The following RABGAP1L variants were observed in gnomAD, a reference collection of about 807,000 sequenced individuals.
RABGAP1L encodes RAB GTPase activating protein 1 like, also known as rab GTPase-activating protein 1-like.
Under a neutral mutation model 137.7 loss-of-function variants are expected in RABGAP1L, and 63 were observed. That is an observed-to-expected ratio of 0.46 (90% CI 0.37 to 0.56). The LOEUF (loss-of-function observed/expected upper bound fraction) is 0.56. RABGAP1L is among the 20% of genes least tolerant of loss of function. The pLI is 0.00. For missense variants in RABGAP1L, 1,095 were observed against 1,244.0 expected (o/e 0.88, Z 1.80); for synonymous variants, 431 against 433.7 (o/e 0.99, Z 0.08).
chr1:174,772,834 C>T (rs1205715163), intron 18 of RABGAP1L, among the ~76,000 whole-genome samples: 1 of 152,050 alleles, frequency 6.6e-6, no homozygotes, highest in Non-Finnish European at 1.5e-5. Flanking sequence ...GGAATTATAT[C>T]GTATTTGTCT....
At chr1:174,665,617 A>G (rs1309655166) in intron 14 of RABGAP1L, among the ~76,000 whole-genome samples, 1 of 152,118 alleles carries the variant, frequency 6.6e-6, no homozygotes, top group Admixed American at 6.5e-5. Flanking sequence ...CACTGTGCCC[A>G]GCTAATTTTG....
chr1:174,383,215 A>G (rs1357973554), intron 12 of RABGAP1L, among the ~76,000 whole-genome samples: 2 of 151,136 alleles, frequency 1.3e-5, no homozygotes, highest in Non-Finnish European at 2.9e-5. Context: ...GGGACATTTA[A>G]GTCTGCAGAG....
At chr1:174,656,017 T>A (rs147595028) in intron 14 of RABGAP1L, among the ~76,000 whole-genome samples, 3,207 of 152,316 alleles carry the variant, frequency 0.021, 53 homozygotes, top group Middle Eastern at 0.085. Flanking sequence ...GTTATAGAGT[T>A]GTCATTGCTT....
chr1:174,204,762 G>T (rs1321570127), intron 1 of RABGAP1L, among the ~76,000 whole-genome samples: 1 of 152,156 alleles, frequency 6.6e-6, no homozygotes, highest in Non-Finnish European at 1.5e-5. Flanking sequence ...TGTTCTCATG[G>T]TAGTGAGTGA....
At chr1:174,467,471 C>T (rs1657431481) in intron 13 of RABGAP1L, among the ~76,000 whole-genome samples, 1 of 151,554 alleles carries the variant, frequency 6.6e-6, no homozygotes. Context: ...TTCACTTAGC[C>T]ATGATTCTCA....
intron 1 of RABGAP1L, among the ~76,000 whole-genome samples, chr1:174,177,302 T>C (rs1665966025): frequency 6.6e-6 from 1 of 152,222 alleles, no homozygotes; most frequent in African/African-American, 2.4e-5. Context: ...TCTGTTCATA[T>C]CCTTCGCCTA....
At chr1:174,712,447 G>A (rs1228355149) in intron 17 of RABGAP1L, among the ~76,000 whole-genome samples, 3 of 152,096 alleles carry the variant, frequency 2.0e-5, no homozygotes, top group African/African-American at 4.8e-5. Context: ...CACTCACCGC[G>A]AAGGTCTGCA....
chr1:174,981,931 A>G (rs10489332), intron 23 of RABGAP1L, among the ~76,000 whole-genome samples: 16,614 of 152,098 alleles, frequency 0.11, 1,084 homozygotes, highest in East Asian at 0.33. Flanking sequence ...AGCACTTTTC[A>G]ATCATGAGGA....
Position 174,683,553 on chromosome 1 carries a change from A to G in RABGAP1L, c.1856A>G (p.Tyr619Cys), listed in dbSNP as rs1379578407. 2 of 1,608,300 alleles carry G rather than the reference A, an allele frequency of 1.2e-6. No individual in the cohort carries two copies. The highest frequency in any genetic ancestry group is 8.5e-7 in the Non-Finnish European group (1 of 1,174,938). ...AYSVYDEDIG[Y>C]CQGQSFLAAV... The stretch of plus-strand genomic sequence containing the variant: ...TCTGTGTATGATGAAGACATTGGGT[A>G]CTGTCAAGGGCAGTCTTTTCTTGCT... The change falls in exon 15 of 26, where the codon TAC becomes TGC. Residue 619 changes from tyrosine (Y) to cysteine (C), a missense_variant. Tyr to Cys is a radical substitution (Grantham distance 194). Transcript: ENST00000681986.
intron 19 of RABGAP1L, among the ~76,000 whole-genome samples, chr1:174,946,951 T>G (rs1358103368): frequency 1.8e-5 from 2 of 109,176 alleles, no homozygotes; most frequent in Non-Finnish European, 3.8e-5. Flanking sequence ...TGTGTGTGTG[T>G]GTGTGTGTGT....
chr1:174,230,157 A>G (rs918443914), intron 3 of RABGAP1L, among the ~76,000 whole-genome samples: 4 of 151,874 alleles, frequency 2.6e-5, no homozygotes, highest in Non-Finnish European at 4.4e-5. Flanking sequence ...ACAAAAAACC[A>G]AACACCGCAT....
intron 13 of RABGAP1L, among the ~76,000 whole-genome samples, chr1:174,619,146 G>A (rs188161046): frequency 3.3e-5 from 5 of 152,300 alleles, no homozygotes; most frequent in African/African-American, 1.2e-4. Context: ...TATGTGAAAC[G>A]ACCAAATCTA....
intron 11 of RABGAP1L, among the ~76,000 whole-genome samples, chr1:174,350,131 G>T (rs375497497): frequency 0.16 from 17,396 of 108,454 alleles, 709 homozygotes; most frequent in Admixed American, 0.19. Flanking sequence ...CTGGCCGGGT[G>T]GGGGGGCTGA....
chr1:174,363,992 T>C (rs1009553358), intron 11 of RABGAP1L, among the ~76,000 whole-genome samples: 2 of 151,838 alleles, frequency 1.3e-5, no homozygotes, highest in African/African-American at 2.4e-5. Flanking sequence ...ATCACTGATA[T>C]TGGCCTACAG....
At chr1:174,822,470 C>T (rs1429779168) in intron 19 of RABGAP1L, among the ~76,000 whole-genome samples, 1 of 152,168 alleles carries the variant, frequency 6.6e-6, no homozygotes, top group African/African-American at 2.4e-5. Flanking sequence ...GGTCAGAGCT[C>T]CAGATGCTTA....
At chr1:174,737,710 AAG>A (rs1173607994) in intron 17 of RABGAP1L, among the ~76,000 whole-genome samples, 1 of 152,206 alleles carries the variant, frequency 6.6e-6, no homozygotes, top group Non-Finnish European at 1.5e-5. Context: ...TTTTCAAAGA[AAG>A]GGGTTTAATT....
intron 11 of RABGAP1L, among the ~76,000 whole-genome samples, chr1:174,322,080 A>G (rs998252498): frequency 6.6e-6 from 1 of 152,058 alleles, no homozygotes; most frequent in African/African-American, 2.4e-5. Context: ...TAAAAGTTTA[A>G]TTTTATGAAG....
intron 11 of RABGAP1L, among the ~76,000 whole-genome samples, chr1:174,327,332 A>T (rs962767149): frequency 7.2e-5 from 11 of 152,056 alleles, no homozygotes; most frequent in African/African-American, 2.7e-4. Context: ...AATAAGGTAT[A>T]AAAAGATGTA....
chr1:174,432,049 T>A (rs1205838503), intron 13 of RABGAP1L, among the ~76,000 whole-genome samples: 2 of 152,178 alleles, frequency 1.3e-5, no homozygotes, highest in East Asian at 3.9e-4. Flanking sequence ...TGGGGTATGG[T>A]TGATCCCTTC....
Sources: allele counts gnomAD v4.1 joint callset (sites outside exome capture counted in the v4.1 genomes callset), GRCh38; gene constraint gnomAD v4.1.1; transcripts MANE v1.5; gene names NCBI Gene and HGNC (gene_info 2026-07-23, HGNC 2026-07-21).